Variants in COL4A2 observed in about 807,000 individuals in gnomAD.
COL4A2 encodes collagen alpha-2(IV) chain.
A neutral mutation model predicts 200.2 loss-of-function variants in COL4A2; 99 were observed. The ratio of observed to expected loss-of-function variants is 0.49; its 90% CI spans 0.42 to 0.58. The LOEUF is 0.58. Ranked by LOEUF, COL4A2 falls within the 20% of genes least tolerant of loss-of-function variation. COL4A2 has a pLI of 0.00. For missense variants in COL4A2, 1,950 were observed against 2,314.1 expected (o/e 0.84, Z 3.23); for synonymous variants, 897 against 900.6 (o/e 1.00, Z 0.07).
At chr13:110,338,568 G>A (rs1454024953) in intron 3 of COL4A2, among the ~76,000 whole-genome samples, 9 of 152,180 alleles carry the variant, frequency 5.9e-5, no homozygotes, top group Admixed American at 5.2e-4. Context: ...TGAAAACAAC[G>A]GGCCTCTGCC....
intron 3 of COL4A2, among the ~76,000 whole-genome samples, chr13:110,316,161 G>A (rs1431530765): frequency 6.6e-6 from 1 of 152,180 alleles, no homozygotes; most frequent in Non-Finnish European, 1.5e-5. Context: ...AGAGAAGAAT[G>A]TGTGTTTTTG....
rs1882193493 is a variant in COL4A2 at position 110,465,320 on chromosome 13, CG to C, written c.1777-82del. 25 of 1,480,930 alleles carry C rather than the reference CG, an allele frequency of 1.7e-5. No individual in the cohort carries two copies. The Middle Eastern group carries it at 1.0e-3, about 60-fold the overall frequency. 91.7% of individuals were successfully genotyped at this position (1,480,930 alleles called of 1,614,324 possible). A position where few individuals can be genotyped will look rare whatever the true frequency, so the allele number is the denominator to read the frequency against. On this transcript the variant is annotated intron_variant, in intron 24 of 47. Coordinates refer to ENST00000360467, the MANE Select transcript of COL4A2 (RefSeq NM_001846.4). ...GTTCTGGATCCATAGCTCAGAATTC[CG>C]GGAAATGGGAAAGGAAACAGGGAAG...
chr13:110,434,025 G>A (rs1389272606), intron 11 of COL4A2, among the ~76,000 whole-genome samples: 1 of 152,202 alleles, frequency 6.6e-6, no homozygotes, highest in African/African-American at 2.4e-5. Context: ...GACTGAGCCA[G>A]AAGAAAAGAC....
At chr13:110,438,526 CAG>C (rs766030840) in intron 14 of COL4A2, 90 bp from the exon 15 acceptor site, 4 of 1,514,926 alleles carry the variant, frequency 2.6e-6, no homozygotes, top group Non-Finnish European at 9.2e-7. Flanking sequence ...GCTGAGAACA[CAG>C]AGTCCTGGAG....
At chr13:110,358,970 A>G (rs1225555093) in intron 4 of COL4A2, among the ~76,000 whole-genome samples, 1 of 152,254 alleles carries the variant, frequency 6.6e-6, no homozygotes, top group East Asian at 1.9e-4. Flanking sequence ...GCATATATAA[A>G]GCAATGATGT....
chr13:110,344,669 C>G (rs1876620655), intron 3 of COL4A2, among the ~76,000 whole-genome samples: 1 of 152,160 alleles, frequency 6.6e-6, no homozygotes, highest in African/African-American at 2.4e-5. Context: ...AGTATTCTCT[C>G]TCTTGCCTCG....
chr13:110,428,993 A>G (rs1030416382), intron 7 of COL4A2: 18 of 160,330 alleles, frequency 1.1e-4, no homozygotes, highest in Admixed American at 7.1e-4. Context: ...TTGTTTTTTA[A>G]TGGAGGAACT....
chr13:110,480,113 C>T (rs1236377067), intron 30 of COL4A2, 107 bp from the exon 31 acceptor site: 87 of 1,253,696 alleles, frequency 6.9e-5, no homozygotes, highest in Non-Finnish European at 9.2e-5. Context: ...TTCCACTTTC[C>T]TTCTAAGGAG....
chr13:110,485,528 A>G, intron 33 of COL4A2, 127 bp from the exon 34 acceptor site: 1 of 471,024 alleles, frequency 2.1e-6, no homozygotes, highest in Non-Finnish European at 3.6e-6. Flanking sequence ...GTCTCAAAAA[A>G]AAAAAAAAAA....
At chr13:110,399,726 A>G (rs865836259) in intron 4 of COL4A2, among the ~76,000 whole-genome samples, 1 of 152,244 alleles carries the variant, frequency 6.6e-6, no homozygotes, top group Non-Finnish European at 1.5e-5. Flanking sequence ...AAATTCCCAC[A>G]CAGTTCATCT....
chr13:110,507,427 A>G (rs756665428), intron 46 of COL4A2: 1 of 161,892 alleles, frequency 6.2e-6, no homozygotes, highest in Admixed American at 5.7e-5. Flanking sequence ...TGAGCTTTTC[A>G]GCAATCCATG....
At position 110,428,586 on chromosome 13, in the gene COL4A2, G is replaced by A. The variant is rs755280277; in HGVS notation, c.477+3G>A. On this transcript the variant is annotated splice_donor_region_variant and intron_variant, in intron 7 of 47. Transcript: ENST00000360467. Reference sequence around the variant, plus strand: ...CTGAGGGGTTCACCGGGCCTCCCGTGAGTATCCCCACAGCGCCTGTGCTCC... The same window carrying A: ...CTGAGGGGTTCACCGGGCCTCCCGTAAGTATCCCCACAGCGCCTGTGCTCC... 2 of 1,506,832 alleles carry A rather than the reference G, an allele frequency of 1.3e-6. No individual in the cohort carries two copies. Among genetic ancestry groups the A allele is most frequent in the Admixed American group, 2.4e-5 (1 of 42,016 alleles). 93.3% of individuals were successfully genotyped at this position (1,506,832 alleles called of 1,614,324 possible).
At chr13:110,382,493 C>T (rs1878529952) in intron 4 of COL4A2, among the ~76,000 whole-genome samples, 1 of 152,162 alleles carries the variant, frequency 6.6e-6, no homozygotes, top group Non-Finnish European at 1.5e-5. Context: ...CATCTTCTTC[C>T]TTAGATACTT....
Position 110,489,301 on chromosome 13 carries a change from A to G in COL4A2, c.3208-144A>G, listed in dbSNP as rs1883206728. The G allele has an allele frequency of 3.9e-6, 3 of 771,088 alleles. No homozygotes were observed. In the South Asian group the frequency reaches 5.0e-5, roughly 13 times the overall value. 47.8% of individuals were successfully genotyped at this position (771,088 alleles called of 1,614,324 possible). A position where few individuals can be genotyped will look rare whatever the true frequency, so the allele number is the denominator to read the frequency against. On this transcript the variant is annotated intron_variant, in intron 34 of 47. Coordinates refer to ENST00000360467, the MANE Select transcript of COL4A2 (RefSeq NM_001846.4). ...CAAACCGCCTATGATACACACTAAA[A>G]AACACGAGTTTTCCACAAAATGACA...
At position 110,344,759 on chromosome 13, in the gene COL4A2, A is replaced by C. The variant is rs1470204307; in HGVS notation, c.100-12713A>C. 2.6e-5 allele frequency among the ~76,000 whole-genome samples: 4 copies of C among 152,330 alleles called. No individual in the cohort carries two copies. In the East Asian group the frequency reaches 7.7e-4, roughly 29 times the overall value. The stretch of plus-strand genomic sequence containing the variant: ...TGGTCATCCTGTCCTTGCTCTCTGC[A>C]GTGTAGCAGTCTCAGCACTTCCTTA... On this transcript the variant is annotated intron_variant, in intron 3 of 47. Coordinates refer to ENST00000360467, the MANE Select transcript of COL4A2 (RefSeq NM_001846.4).
chr13:110,500,093 C>T (rs965720224), intron 40 of COL4A2, among the ~76,000 whole-genome samples: 1 of 152,212 alleles, frequency 6.6e-6, no homozygotes, highest in Non-Finnish European at 1.5e-5. Context: ...CTTGGAAGCA[C>T]GCATGAATGG....
chr13:110,377,739 A>C (rs1878296880), intron 4 of COL4A2, among the ~76,000 whole-genome samples: 1 of 152,234 alleles, frequency 6.6e-6, no homozygotes, highest in Non-Finnish European at 1.5e-5. Context: ...CAATACTAAA[A>C]ATAGAGATAA....
At chr13:110,438,802 ACCCCCCCC>A in intron 15 of COL4A2, 134 bp downstream of exon 15, 1 of 594,988 alleles carries the variant, frequency 1.7e-6, no homozygotes, top group Non-Finnish European at 2.7e-6. Context: ...ATTACTCCCC[ACCCCCCCC>A]CACACACACA....
chr13:110,411,802 A>T (rs1879850330), intron 4 of COL4A2, among the ~76,000 whole-genome samples: 1 of 152,206 alleles, frequency 6.6e-6, no homozygotes, highest in African/African-American at 2.4e-5. Flanking sequence ...TGTGTGGATG[A>T]CAATGCCCTA....
Sources: allele counts gnomAD v4.1 joint callset (sites outside exome capture counted in the v4.1 genomes callset), GRCh38; gene constraint gnomAD v4.1.1; transcripts MANE v1.5; gene names NCBI Gene and HGNC (gene_info 2026-07-23, HGNC 2026-07-21).